TIAM1: variants seen among roughly 807,000 people sequenced by gnomAD.
TIAM1 encodes the protein TIAM Rac1 associated GEF 1.
TIAM1 carries 65 observed loss-of-function variants against 163.5 expected under a neutral mutation model. The observed-to-expected ratio is 0.40, with a 90% CI of 0.33 to 0.49. The LOEUF (loss-of-function observed/expected upper bound fraction) is 0.49. TIAM1 is among the 20% of genes least tolerant of loss of function. The pLI, the probability that TIAM1 is intolerant of heterozygous loss-of-function variation, is 0.77. For synonymous variants in TIAM1, 833 were observed against 810.1 expected, an observed-to-expected ratio of 1.03 and a Z score of -0.48; for missense variants, 1,789 against 2,044.7, an observed-to-expected ratio of 0.87 and a Z score of 2.41.
At chr21:31,451,760 T>TGAGA (rs1491134348) in intron 2 of TIAM1, among the ~76,000 whole-genome samples, 2,495 of 138,154 alleles carry the variant, frequency 0.018, 73 homozygotes, top group East Asian at 0.066. Context: ...TGTGTGTGTG[T>TGAGA]GAGACACAGA....
At chr21:31,505,835 C>T (rs1187402115) in intron 1 of TIAM1, among the ~76,000 whole-genome samples, 1 of 151,718 alleles carries the variant, frequency 6.6e-6, no homozygotes, top group Non-Finnish European at 1.5e-5. Flanking sequence ...TGAATGAAAC[C>T]CCGTCTCTAC....
chr21:31,548,779 G>A (rs769955143), intron 1 of TIAM1, among the ~76,000 whole-genome samples: 7 of 152,006 alleles, frequency 4.6e-5, no homozygotes, highest in African/African-American at 1.2e-4. Flanking sequence ...ATGAGCCACC[G>A]TGCCAGGCCA....
intron 2 of TIAM1, among the ~76,000 whole-genome samples, chr21:31,353,983 G>A (rs2076277257): frequency 6.6e-6 from 1 of 151,378 alleles, no homozygotes; most frequent in Admixed American, 6.6e-5. Flanking sequence ...AATTACAGGT[G>A]CCCGCCAACA....
intron 12 of TIAM1, among the ~76,000 whole-genome samples, chr21:31,200,925 T>A (rs2086165655): frequency 6.6e-6 from 1 of 152,088 alleles, no homozygotes; most frequent in Admixed American, 6.6e-5. Flanking sequence ...AATACCATGG[T>A]CTCCCTGTAC....
At chr21:31,361,253 TAA>T (rs1413216496) in intron 2 of TIAM1, among the ~76,000 whole-genome samples, 1 of 152,150 alleles carries the variant, frequency 6.6e-6, no homozygotes, top group African/African-American at 2.4e-5. Context: ...CCAGAATACT[TAA>T]TAAAGTATGA....
At chr21:31,482,057 C>G (rs2046125169) in intron 1 of TIAM1, among the ~76,000 whole-genome samples, 1 of 82,462 alleles carries the variant, frequency 1.2e-5, no homozygotes, top group Non-Finnish European at 2.3e-5. Context: ...GGAACTGGGA[C>G]AAAGTGTGTG....
intron 3 of TIAM1, 127 bp downstream of exon 3, chr21:31,276,605 T>C (rs555413721): frequency 6.6e-6 from 1 of 152,300 alleles, no homozygotes; most frequent in East Asian, 1.9e-4. Flanking sequence ...AAGGAAGTGA[T>C]TCCAAATTCT....
chr21:31,246,494 A>G (rs1171126297), intron 5 of TIAM1, among the ~76,000 whole-genome samples: 1 of 152,232 alleles, frequency 6.6e-6, no homozygotes, highest in African/African-American at 2.4e-5. Context: ...TTTCAGGGGA[A>G]GCCAGGGTAT....
chr21:31,215,021 A>C (rs1400273024), intron 9 of TIAM1, among the ~76,000 whole-genome samples: 1 of 152,204 alleles, frequency 6.6e-6, no homozygotes, highest in Non-Finnish European at 1.5e-5. Flanking sequence ...TTAAAAACTC[A>C]TACTTTTAGA....
chr21:31,324,071 C>A (rs2075405895), intron 2 of TIAM1, among the ~76,000 whole-genome samples: 1 of 151,118 alleles, frequency 6.6e-6, no homozygotes, highest in African/African-American at 2.4e-5. Context: ...ATTGGTGGAG[C>A]ACAGAGGATT....
chr21:31,406,594 A>T (rs1356366718), intron 2 of TIAM1, among the ~76,000 whole-genome samples: 1 of 152,214 alleles, frequency 6.6e-6, no homozygotes, highest in Non-Finnish European at 1.5e-5. Flanking sequence ...AACTCTACGA[A>T]TGCAAGATAA....
intron 1 of TIAM1, among the ~76,000 whole-genome samples, chr21:31,515,206 C>T (rs1176336299): frequency 6.6e-6 from 1 of 152,138 alleles, no homozygotes; most frequent in Non-Finnish European, 1.5e-5. Context: ...CCCCACGCAG[C>T]CCTCATGTGC....
chr21:31,440,097 TAA>T (rs1360089851), intron 2 of TIAM1, among the ~76,000 whole-genome samples: 1 of 152,080 alleles, frequency 6.6e-6, no homozygotes, highest in African/African-American at 2.4e-5. Flanking sequence ...GATGAAGAAA[TAA>T]GAGAATAACA....
At chr21:31,548,845 A>C (rs1199121504) in intron 1 of TIAM1, among the ~76,000 whole-genome samples, 1 of 151,982 alleles carries the variant, frequency 6.6e-6, no homozygotes, top group Non-Finnish European at 1.5e-5. Context: ...TGTTCTATGC[A>C]CTGGAGGATG....
chr21:31,442,441 C>T (rs916139495), intron 2 of TIAM1, among the ~76,000 whole-genome samples: 1 of 151,892 alleles, frequency 6.6e-6, no homozygotes, highest in African/African-American at 2.4e-5. Context: ...CCATGTTGGC[C>T]AGGCTGGTAT....
At chr21:31,165,952 T>C (rs2084193910) in intron 15 of TIAM1, among the ~76,000 whole-genome samples, 1 of 152,214 alleles carries the variant, frequency 6.6e-6, no homozygotes, top group African/African-American at 2.4e-5. Context: ...CTTTGCTATT[T>C]ACTGAGTGCC....
intron 2 of TIAM1, among the ~76,000 whole-genome samples, chr21:31,295,885 C>T (rs2074241923): frequency 6.6e-6 from 1 of 152,124 alleles, no homozygotes; most frequent in South Asian, 2.1e-4. Flanking sequence ...GCAAGCTCCG[C>T]CTCCCGAGTT....
chr21:31,192,694 G>A lies in TIAM1; in HGVS notation c.2575+2530C>T, dbSNP rs2249991. Among the ~76,000 whole-genome samples the A allele has an allele frequency of 3.3e-3, 508 of 152,000 alleles. 2 individuals carry two copies. The highest frequency in any genetic ancestry group is 0.011 in the African/African-American group (464 of 41,456). On this transcript the variant is annotated intron_variant, in intron 13 of 27. Coordinates refer to ENST00000541036, the MANE Select transcript of TIAM1 (RefSeq NM_001353694.2). Reference sequence around the variant, plus strand: ...GAGGTAGTCTTTATGTCTTTCCACCGGGAACTTTGTTCTCCTTCTACCAAA... The same window carrying A: ...GAGGTAGTCTTTATGTCTTTCCACCAGGAACTTTGTTCTCCTTCTACCAAA...
At chr21:31,385,276 A>G (rs1270974768) in intron 2 of TIAM1, among the ~76,000 whole-genome samples, 2 of 152,174 alleles carry the variant, frequency 1.3e-5, no homozygotes, top group Non-Finnish European at 1.5e-5. Flanking sequence ...TGACCAGGCA[A>G]TGCTGTCCTT....
Sources: gnomAD v4.1 joint callset for allele counts (sites outside exome capture counted in the v4.1 genomes callset) on GRCh38, gnomAD v4.1.1 for gene constraint, MANE v1.5 for transcripts, NCBI Gene and HGNC (gene_info 2026-07-23, HGNC 2026-07-21) for gene names.